The following OIT3 variants were observed in gnomAD, a reference collection of about 807,000 sequenced individuals.
The protein encoded by OIT3 is oncoprotein-induced transcript 3 protein.
A neutral mutation model predicts 52.2 loss-of-function variants in OIT3; 41 were observed. That is an observed-to-expected ratio of 0.79 (90% confidence interval 0.61 to 1.02). The LOEUF (loss-of-function observed/expected upper bound fraction) is 1.02. OIT3 is among the 50% of genes least tolerant of loss of function. The pLI is 0.00. For missense variants in OIT3, 634 were observed against 715.5 expected (o/e 0.89, Z 1.30); for synonymous variants, 244 against 276.9 (o/e 0.88, Z 1.18).
intron 2 of OIT3, 77 bp from the exon 3 acceptor site, chr10:72,900,300 C>T (rs1454980372): frequency 1.0e-5 from 8 of 790,240 alleles, no homozygotes; most frequent in South Asian, 3.2e-5. Flanking sequence ...CCCGACCCCC[C>T]GCACCATCTC....
At chr10:72,900,293 G>A (rs1021258774) in intron 2 of OIT3, 84 bp from the exon 3 acceptor site, 8 of 273,268 alleles carry the variant, frequency 2.9e-5, no homozygotes, top group South Asian at 4.3e-5. Flanking sequence ...CACCCCCCCC[G>A]ACCCCCCGCA....
At chr10:72,899,165 C>T (rs1845904516) in intron 2 of OIT3, 127 bp downstream of exon 2, 1 of 760,416 alleles carries the variant, frequency 1.3e-6, no homozygotes, top group Admixed American at 2.7e-5. Context: ...TGATGTGGGG[C>T]TAAAGATACC....
At chr10:72,910,499 C>CA (rs1476481384) in intron 4 of OIT3, among the ~76,000 whole-genome samples, 1 of 151,506 alleles carries the variant, frequency 6.6e-6, no homozygotes, top group Admixed American at 6.6e-5. Flanking sequence ...ACTAAAAATA[C>CA]AAAAACAAAA....
At chr10:72,932,143 C>T (rs1024099445) in intron 8 of OIT3, among the ~76,000 whole-genome samples, 3 of 152,098 alleles carry the variant, frequency 2.0e-5, no homozygotes, top group African/African-American at 7.2e-5. Flanking sequence ...GCAAACTTTG[C>T]CACATTTTTT....
intron 7 of OIT3, 67 bp from the exon 8 acceptor site, chr10:72,930,471 G>T: frequency 8.3e-7 from 1 of 1,199,818 alleles, no homozygotes; most frequent in Non-Finnish European, 1.2e-6. Flanking sequence ...CCAAAATGTT[G>T]GGTTAGATTG....
chr10:72,927,613 T>TGGTGCTGTA (rs1846180874), intron 7 of OIT3, among the ~76,000 whole-genome samples: 1 of 152,190 alleles, frequency 6.6e-6, no homozygotes, highest in African/African-American at 2.4e-5. Flanking sequence ...ATCCCGTCTG[T>TGGTGCTGTA]GGTGCTGTAC....
chr10:72,924,353 CA>C lies in OIT3; in HGVS notation c.1077del (p.Arg360AlafsTer21). The C allele has an allele frequency of 1.2e-6, 2 of 1,614,152 alleles. No individual in the cohort carries two copies. The highest frequency in any genetic ancestry group is 1.7e-6 in the Non-Finnish European group (2 of 1,180,040). Reference protein sequence around the residue: ...KLLIPVTCEFPRLYTISEGYV... With the variant: ...KLLIPVTCEFXRLYTISEGYV... ...CTGATCCCGGTGACCTGCGAGTTTC[CA>C]CGCCTGTACACCATTTCTGAAGGAT... On this transcript the variant is annotated frameshift_variant, in exon 7 of 9. Transcript: ENST00000334011. LOFTEE classifies it high-confidence loss of function.
rs1564596111 is a variant in OIT3, at chr10:72,924,359, T to C, written c.1082T>C (p.Leu361Pro). ...CCGGTGACCTGCGAGTTTCCACGCC[T>C]GTACACCATTTCTGAAGGATACGTT... is the stretch of plus-strand genomic sequence containing the variant. ...LIPVTCEFPR[L>P]YTISEGYVPN... Residue 361 changes from leucine to proline, a missense_variant, in exon 7 of 9, where the codon CTG (leucine) becomes CCG (proline). By Grantham distance (98) the Leu-to-Pro change is moderately conservative (BLOSUM62 -3). Coordinates refer to ENST00000334011, the MANE Select transcript of OIT3 (RefSeq NM_152635.3). The C allele has an allele frequency of 5.0e-6, 8 of 1,614,110 alleles. No homozygotes were observed. The highest frequency in any genetic ancestry group is 6.8e-6 in the Non-Finnish European group (8 of 1,180,014).
intron 1 of OIT3, among the ~76,000 whole-genome samples, chr10:72,895,338 T>G (rs1845866303): frequency 6.6e-6 from 1 of 152,100 alleles, no homozygotes; most frequent in South Asian, 2.1e-4. Flanking sequence ...CTCTAGTACC[T>G]CCTATATTCC....
chr10:72,918,810 C>T (rs564138153), intron 6 of OIT3, among the ~76,000 whole-genome samples: 3 of 152,228 alleles, frequency 2.0e-5, no homozygotes, highest in Non-Finnish European at 4.4e-5. Context: ...TTTCTGGGTT[C>T]TCTTTTCTGT....
chr10:72,905,429 C>G (rs1845969683), intron 3 of OIT3, among the ~76,000 whole-genome samples: 1 of 152,020 alleles, frequency 6.6e-6, no homozygotes. Flanking sequence ...AGAGATCACA[C>G]CACTGCACTC....
At chr10:72,908,287 A>T (rs1257287271) in intron 4 of OIT3, among the ~76,000 whole-genome samples, 1 of 152,122 alleles carries the variant, frequency 6.6e-6, no homozygotes, top group African/African-American at 2.4e-5. Context: ...CAGAGTTCTC[A>T]TGACACCCTG....
At chr10:72,923,140 G>A (rs1471174363) in intron 6 of OIT3, among the ~76,000 whole-genome samples, 1 of 152,176 alleles carries the variant, frequency 6.6e-6, no homozygotes, top group Non-Finnish European at 1.5e-5. Flanking sequence ...GACCCCCAAA[G>A]TGCTGGGATT....
chr10:72,899,714 TAGATAGA>T (rs1845912775), intron 2 of OIT3, among the ~76,000 whole-genome samples: 2 of 126,048 alleles, frequency 1.6e-5, no homozygotes, highest in Admixed American at 7.7e-5. Context: ...GATAGATAGA[TAGATAGA>T]TAGATAGATA....
intron 6 of OIT3, 38 bp from the exon 7 acceptor site, chr10:72,924,191 G>C (rs1228632858): frequency 1.0e-5 from 16 of 1,525,078 alleles, no homozygotes; most frequent in Non-Finnish European, 1.2e-5. Flanking sequence ...GAAACAAACA[G>C]ACAATCTCTT....
In OIT3 at chr10:72,913,331, G is replaced by T; in HGVS notation, c.814G>T (p.Ala272Ser). The T allele has an allele frequency of 1.2e-6, 2 of 1,609,254 alleles. No individual in the cohort carries two copies. The highest frequency in any genetic ancestry group is 1.3e-5 in the African/African-American group (1 of 74,944). The stretch of plus-strand genomic sequence containing the variant: ...AGTCCCTGTGTTGTGCAAATCAAAT[G>T]CCATTGAAGTGAACATCCCCAGGGA... ...CQVPVLCKSN[A>S]IEVNIPRELV... The change falls in exon 6 of 9, where the codon GCC becomes TCC. Residue 272 changes from alanine to serine, a missense_variant. Coordinates refer to ENST00000334011, the MANE Select transcript of OIT3 (RefSeq NM_152635.3).
chr10:72,909,609 T>C (rs897807120), intron 4 of OIT3, among the ~76,000 whole-genome samples: 1 of 152,118 alleles, frequency 6.6e-6, no homozygotes, highest in Admixed American at 6.6e-5. Flanking sequence ...TTATTAATTT[T>C]TTTTTTGAGA....
At chr10:72,906,263 T>C (rs981093018) in intron 3 of OIT3, among the ~76,000 whole-genome samples, 1 of 152,214 alleles carries the variant, frequency 6.6e-6, no homozygotes, top group African/African-American at 2.4e-5. Flanking sequence ...TTTAGCAACT[T>C]CTCAGGAACT....
intron 8 of OIT3, 34 bp from the exon 9 acceptor site, chr10:72,932,320 T>C (rs770605555): frequency 5.0e-6 from 8 of 1,604,330 alleles, no homozygotes; most frequent in Admixed American, 1.7e-5. Context: ...GCAGCAGTTA[T>C]TGTTTTTATT....
Sources: gnomAD v4.1 joint callset for allele counts (sites outside exome capture counted in the v4.1 genomes callset) on GRCh38, gnomAD v4.1.1 for gene constraint, MANE v1.5 for transcripts, NCBI Gene and HGNC (gene_info 2026-07-23, HGNC 2026-07-21) for gene names.